Variants in SLC43A2 observed in about 807,000 individuals in gnomAD.
The protein encoded by SLC43A2 is solute carrier family 43 member 2.
A neutral mutation model predicts 63.2 loss-of-function variants in SLC43A2; 38 were observed. That is an observed-to-expected ratio of 0.60 (90% confidence interval 0.46 to 0.79). The LOEUF is 0.79. Among genes scored for constraint, SLC43A2 ranks in the 30% least tolerant of loss-of-function variants. The probability of loss-of-function intolerance (pLI) is 0.00; values close to 1 mark genes in which losing one functional copy is unlikely to be tolerated. For synonymous variants in SLC43A2, 322 were observed against 331.0 expected (o/e 0.97, Z 0.30); for missense variants, 644 against 756.2 (o/e 0.85, Z 1.74).
At chr17:1,576,208 C>T (rs555392806) in intron 13 of SLC43A2, among the ~76,000 whole-genome samples, 94 of 151,696 alleles carry the variant, frequency 6.2e-4, no homozygotes, top group African/African-American at 2.1e-3. Flanking sequence ...CTCAGCCTCC[C>T]GAGTATCTGG....
chr17:1,623,910 C>T (rs1908412225), intron 2 of SLC43A2, among the ~76,000 whole-genome samples: 1 of 152,162 alleles, frequency 6.6e-6, no homozygotes, highest in South Asian at 2.1e-4. Flanking sequence ...AATCACCCCT[C>T]CTCAACCTCC....
chr17:1,585,908 C>A lies in SLC43A2; in HGVS notation c.1217+5G>T. The A allele has an allele frequency of 5.6e-6, 9 of 1,613,730 alleles. No homozygotes were observed. The highest frequency in any genetic ancestry group is 6.8e-6 in the Non-Finnish European group (8 of 1,179,996). On this transcript the variant is annotated splice_donor_5th_base_variant and intron_variant, in intron 10 of 13. Coordinates refer to ENST00000301335, the MANE Select transcript of SLC43A2 (RefSeq NM_152346.3). Reference sequence around the variant, plus strand: ...GGAGCCGGGGCACCGGCCCTGCCTACGCACTGGTTGGCGTCTTTCTCCTCG... The same window carrying A: ...GGAGCCGGGGCACCGGCCCTGCCTAAGCACTGGTTGGCGTCTTTCTCCTCG...
At chr17:1,584,361 G>C (rs1016803960) in intron 10 of SLC43A2, among the ~76,000 whole-genome samples, 1 of 152,134 alleles carries the variant, frequency 6.6e-6, no homozygotes, top group Non-Finnish European at 1.5e-5. Flanking sequence ...ACTACTGCAA[G>C]TCCCAGCCTC....
intron 5 of SLC43A2, among the ~76,000 whole-genome samples, chr17:1,594,275 C>G (rs751247339): frequency 1.3e-5 from 2 of 152,184 alleles, no homozygotes; most frequent in Non-Finnish European, 2.9e-5. Flanking sequence ...TCAGCTCATT[C>G]TGGGTACAGG....
chr17:1,604,655 G>T (rs1598473811), intron 5 of SLC43A2: 8 of 1,416,258 alleles, frequency 5.6e-6, no homozygotes, highest in African/African-American at 2.8e-5. Flanking sequence ...ACTACAGGGG[G>T]ATACCACAAT....
chr17:1,604,899 G>C, intron 5 of SLC43A2: 1 of 1,534,232 alleles, frequency 6.5e-7, no homozygotes, highest in Non-Finnish European at 8.7e-7. Flanking sequence ...TGCCTCCACC[G>C]GTCTCAGCTG....
rs952005955 is a variant in SLC43A2, at chr17:1,615,670, C to G, written c.369-636G>C. ...CATCCTGGCTAACACAGTGAAACCC[C>G]GTCTCTACTAAAAATACAAAAAATT... is the stretch of plus-strand genomic sequence containing the variant. On this transcript the variant is annotated intron_variant, in intron 3 of 13. Transcript: ENST00000301335. Among the ~76,000 whole-genome samples, 26 of 149,762 alleles carry G rather than the reference C, an allele frequency of 1.7e-4. No homozygotes were observed. The East Asian group carries it at 3.8e-3, about 22-fold the overall frequency.
At chr17:1,576,871 T>C in intron 12 of SLC43A2, 151 bp from the exon 13 acceptor site, 10 of 985,634 alleles carry the variant, frequency 1.0e-5, no homozygotes, top group Non-Finnish European at 1.3e-5. Context: ...CTGTTTTTTT[T>C]TTTTTTTTTT....
intron 9 of SLC43A2, among the ~76,000 whole-genome samples, chr17:1,587,968 T>C (rs1904372928): frequency 6.6e-6 from 1 of 152,134 alleles, no homozygotes; most frequent in Admixed American, 6.5e-5. Context: ...CCCCCCTTAA[T>C]TCTGTTTCTC....
chr17:1,622,333 G>T (rs1908226361), intron 2 of SLC43A2, among the ~76,000 whole-genome samples: 1 of 152,118 alleles, frequency 6.6e-6, no homozygotes, highest in South Asian at 2.1e-4. Flanking sequence ...GGAGGCCGAG[G>T]CGGGTGGATC....
chr17:1,585,845 A>G (rs1430107263), intron 10 of SLC43A2, 68 bp downstream of exon 10: 4 of 1,610,046 alleles, frequency 2.5e-6, no homozygotes, highest in Non-Finnish European at 3.4e-6. Context: ...TGTGCCTGAC[A>G]TGCAGCTCTG....
intron 5 of SLC43A2, among the ~76,000 whole-genome samples, chr17:1,599,949 C>T (rs767834381): frequency 2.0e-5 from 3 of 146,588 alleles, no homozygotes; most frequent in Admixed American, 6.9e-5. Context: ...GAGGCTGAGA[C>T]GGGAGAATGG....
In SLC43A2 at chr17:1,606,046, C is replaced by T. The variant is rs1906583344; in HGVS notation, c.501+7149G>A. Among the ~76,000 whole-genome samples the T allele has an allele frequency of 1.3e-5, 2 of 152,180 alleles. No homozygotes were observed. The highest frequency in any genetic ancestry group is 1.3e-4 in the Admixed American group (2 of 15,272). On this transcript the variant is annotated intron_variant, in intron 5 of 13. Transcript: ENST00000301335. The surrounding 1 kb of genome is among the most constrained non-coding windows in gnomAD (Gnocchi z 4.7). ...GCAAGTAGCTGACTGCCTGAGCTTC[C>T]CCAAGGTACAGGACAGAAAGAGAGG...
intron 5 of SLC43A2, among the ~76,000 whole-genome samples, chr17:1,597,374 G>T (rs555556759): frequency 6.6e-6 from 1 of 150,450 alleles, no homozygotes; most frequent in Admixed American, 6.7e-5. Flanking sequence ...GCATGGTGAC[G>T]TGCACCTGTA....
intron 11 of SLC43A2, among the ~76,000 whole-genome samples, chr17:1,581,110 C>T (rs543444154): frequency 1.8e-4 from 28 of 152,010 alleles, no homozygotes; most frequent in Non-Finnish European, 2.6e-4. Context: ...CCTGCCATCC[C>T]GCTCAGCAGC....
chr17:1,629,045 C>T (rs1013836692), upstream of SLC43A2, among the ~76,000 whole-genome samples: 1 of 152,164 alleles, frequency 6.6e-6, no homozygotes, highest in African/African-American at 2.4e-5. Context: ...GCGGGCCGGG[C>T]CTCGGCTTTG....
intron 9 of SLC43A2, chr17:1,586,928 T>TGGGGCCCCCCC: frequency 5.1e-5 from 63 of 1,232,580 alleles, no homozygotes; most frequent in Non-Finnish European, 5.9e-5. Context: ...TCCCTGACAA[T>TGGGGCCCCCCC]CCCCCCCACC....
chr17:1,593,381 T>G lies in SLC43A2; in HGVS notation c.502-102A>C. 1 of 1,028,158 alleles carries G rather than the reference T, an allele frequency of 9.7e-7. No individual in the cohort carries two copies. Among genetic ancestry groups the G allele is most frequent in the South Asian group, 1.4e-5 (1 of 73,556 alleles). The allele number at this position is 1,028,158 out of a possible 1,614,324, so 63.7% of individuals were successfully genotyped here. On this transcript the variant is annotated intron_variant, in intron 5 of 13. Transcript: ENST00000301335. This position sits in a 1 kb window ranked among gnomAD's most constrained non-coding sequence, Gnocchi z 5.3. ...GGCCCCATGAGGCCCCTTCTTCACCTGCGCCCCTTCCTGTGTGACTCACAG... is the reference window on the plus strand; with the variant it reads ...GGCCCCATGAGGCCCCTTCTTCACCGGCGCCCCTTCCTGTGTGACTCACAG...
intron 9 of SLC43A2, among the ~76,000 whole-genome samples, chr17:1,588,300 C>T (rs1226548649): frequency 5.3e-5 from 8 of 151,980 alleles, no homozygotes; most frequent in African/African-American, 1.9e-4. Flanking sequence ...GCAGAACAAT[C>T]GCTTGAACCC....
Sources: allele counts gnomAD v4.1 joint callset (sites outside exome capture counted in the v4.1 genomes callset), GRCh38; gene constraint gnomAD v4.1.1; non-coding constraint Gnocchi (gnomAD v3.1); transcripts MANE v1.5; gene names NCBI Gene and HGNC (gene_info 2026-07-23, HGNC 2026-07-21).